Variants in ELSPBP1 observed in about 807,000 individuals in gnomAD.
ELSPBP1 encodes epididymal sperm-binding protein 1.
ELSPBP1 carries 38 observed loss-of-function variants against 33.3 expected under a neutral mutation model. The ratio of observed to expected loss-of-function variants is 1.14; its 90% CI spans 0.88 to 1.50. The LOEUF (loss-of-function observed/expected upper bound fraction) is 1.50. Ranked by LOEUF, ELSPBP1 falls within the 40% of genes most tolerant of loss-of-function variation. The pLI, the probability that ELSPBP1 is intolerant of heterozygous loss-of-function variation, is 0.00. For missense variants in ELSPBP1, 267 were observed against 263.5 expected (o/e 1.01, Z -0.09); for synonymous variants, 85 against 94.1 (o/e 0.90, Z 0.56).
chr19:48,012,505 T>G (rs890287698), intron 2 of ELSPBP1, among the ~76,000 whole-genome samples: 1 of 152,206 alleles, frequency 6.6e-6, no homozygotes, highest in Non-Finnish European at 1.5e-5. Flanking sequence ...CTCGATATAC[T>G]GTATTCATCA....
At chr19:48,023,143 A>AAAGGAGGGAGGGAGGGAAGG in intron 6 of ELSPBP1, among the ~76,000 whole-genome samples, 2 of 143,930 alleles carry the variant, frequency 1.4e-5, no homozygotes, top group Non-Finnish European at 3.0e-5. Flanking sequence ...GGAAGGGAAG[A>AAAGGAGGGAGGGAGGGAAGG]AAGGAGGGAG....
At chr19:48,001,499 G>A (rs1286448586) in intron 1 of ELSPBP1, among the ~76,000 whole-genome samples, 2 of 151,904 alleles carry the variant, frequency 1.3e-5, no homozygotes, top group African/African-American at 2.4e-5. Flanking sequence ...GTCCATCTGG[G>A]GAATCCCGGA....
chr19:48,014,435 AAAGGCTCTGGGTTTT>A (rs1967110337), intron 3 of ELSPBP1, 127 bp downstream of exon 3: 1 of 1,013,980 alleles, frequency 9.9e-7, no homozygotes, highest in African/African-American at 1.7e-5. Context: ...CGTGCGTAGA[AAAGGCTCTGGGTTTT>A]AATGATCGCC....
intron 1 of ELSPBP1, among the ~76,000 whole-genome samples, chr19:48,003,030 C>A (rs376871101): frequency 3.9e-5 from 6 of 152,236 alleles, no homozygotes; most frequent in African/African-American, 1.4e-4. Context: ...GAAACAGCAG[C>A]GGTGGCAGGA....
Position 48,014,328 on chromosome 19 carries a change from C to T in ELSPBP1, c.208+20C>T. On this transcript the variant is annotated intron_variant, in intron 3 of 6. Transcript: ENST00000339841. ...GTGAAGGTGAGTGGTATCACATTGT[C>T]CCTGCCAGTGGCCTTTGAATAGGGT... The T allele has an allele frequency of 6.2e-7, 1 of 1,610,600 alleles. No individual in the cohort carries two copies. The highest frequency in any genetic ancestry group is 8.5e-7 in the Non-Finnish European group (1 of 1,178,854).
chr19:48,013,382 G>A (rs1345583308), intron 2 of ELSPBP1, among the ~76,000 whole-genome samples: 1 of 152,124 alleles, frequency 6.6e-6, no homozygotes, highest in African/African-American at 2.4e-5. Flanking sequence ...TAGCCTTCAG[G>A]CCACCATGAG....
intron 4 of ELSPBP1, among the ~76,000 whole-genome samples, chr19:48,016,598 CTCTT>C (rs1967145119): frequency 1.5e-5 from 2 of 135,234 alleles, no homozygotes; most frequent in East Asian, 2.2e-4. Context: ...CTTTCTTTTT[CTCTT>C]TCTTTCTTCT....
At chr19:48,005,944 G>A (rs560728964) in intron 1 of ELSPBP1, among the ~76,000 whole-genome samples, 1 of 152,156 alleles carries the variant, frequency 6.6e-6, no homozygotes, top group South Asian at 2.1e-4. Context: ...AGCACTCAAT[G>A]AGTTTTATCT....
chr19:48,006,474 C>T (rs182281743), intron 1 of ELSPBP1, among the ~76,000 whole-genome samples: 143 of 151,610 alleles, frequency 9.4e-4, no homozygotes, highest in South Asian at 5.0e-3. Context: ...ATTAGCCAGG[C>T]GTGGTGGCAC....
At chr19:48,002,806 A>AAAG (rs1966980672) in intron 1 of ELSPBP1, among the ~76,000 whole-genome samples, 1 of 152,134 alleles carries the variant, frequency 6.6e-6, no homozygotes, top group Non-Finnish European at 1.5e-5. Flanking sequence ...ACAAACAAAA[A>AAAG]TTCTGGCTTG....
At chr19:48,014,977 G>T (rs1405427309) in intron 3 of ELSPBP1, among the ~76,000 whole-genome samples, 1 of 152,150 alleles carries the variant, frequency 6.6e-6, no homozygotes, top group Non-Finnish European at 1.5e-5. Flanking sequence ...GGGATTTGAG[G>T]CTGGGCGAGG....
intron 1 of ELSPBP1, among the ~76,000 whole-genome samples, chr19:47,998,772 G>A (rs546664086): frequency 1.5e-4 from 20 of 129,246 alleles, no homozygotes; most frequent in Non-Finnish European, 2.2e-4. Flanking sequence ...GGGTGACAGA[G>A]CCAGACTCCG....
intron 6 of ELSPBP1, among the ~76,000 whole-genome samples, chr19:48,024,135 C>T (rs1217439873): frequency 2.0e-5 from 3 of 151,516 alleles, no homozygotes; most frequent in Admixed American, 1.3e-4. Context: ...CCATCCAACT[C>T]GGCCTCCCAA....
In ELSPBP1 at chr19:48,022,136, A is replaced by T. The variant is rs1298551927; in HGVS notation, c.515-34A>T. ...CTCTACGACAGTGTGAAGCCTGAGG[A>T]GTAACCTTTGTTTTATCCCCTTCTG... On this transcript the variant is annotated intron_variant, in intron 5 of 6. Transcript: ENST00000339841. 1.9e-6 allele frequency: 3 copies of T among 1,591,258 alleles called. No homozygotes were observed. In the African/African-American group the frequency reaches 4.0e-5, roughly 21 times the overall value.
chr19:48,024,443 G>T (rs1393653857), intron 6 of ELSPBP1, among the ~76,000 whole-genome samples: 1 of 152,104 alleles, frequency 6.6e-6, no homozygotes, highest in Non-Finnish European at 1.5e-5. Context: ...CTCCCTTTGG[G>T]GTGGAAAACC....
intron 3 of ELSPBP1, among the ~76,000 whole-genome samples, chr19:48,015,652 T>C (rs1267363633): frequency 6.6e-6 from 1 of 152,114 alleles, no homozygotes; most frequent in Non-Finnish European, 1.5e-5. Context: ...AGTGAGACTC[T>C]GTCTCGAAAA....
At chr19:48,022,116 C>A (rs75318061) in intron 5 of ELSPBP1, 54 bp from the exon 6 acceptor site, 3 of 1,547,364 alleles carry the variant, frequency 1.9e-6, no homozygotes, top group Non-Finnish European at 1.8e-6. Flanking sequence ...CACGCCTCTA[C>A]GACAGTGTGA....
intron 6 of ELSPBP1, among the ~76,000 whole-genome samples, chr19:48,023,513 A>AGGGAAGG (rs1967233483): frequency 1.1e-5 from 1 of 91,898 alleles, no homozygotes; most frequent in African/African-American, 3.6e-5. Flanking sequence ...AAGAGGAAGG[A>AGGGAAGG]AATAAGGAAG....
chr19:47,999,201 T>C (rs1966942607), intron 1 of ELSPBP1, among the ~76,000 whole-genome samples: 1 of 152,294 alleles, frequency 6.6e-6, no homozygotes, highest in Admixed American at 6.5e-5. Context: ...TTTTTTTTCA[T>C]TGCACTTTTC....
Sources: allele counts gnomAD v4.1 joint callset (sites outside exome capture counted in the v4.1 genomes callset), GRCh38; gene constraint gnomAD v4.1.1; transcripts MANE v1.5; gene names NCBI Gene and HGNC (gene_info 2026-07-23, HGNC 2026-07-21).